The following ANK3 variants were observed in gnomAD, a reference collection of about 807,000 sequenced individuals.
ANK3 encodes the protein ankyrin 3.
ANK3 carries 57 observed loss-of-function variants against 370.9 expected under a neutral mutation model. The ratio of observed to expected loss-of-function variants is 0.15; its 90% CI spans 0.12 to 0.19. The LOEUF (loss-of-function observed/expected upper bound fraction) is 0.19. Among genes scored for constraint, ANK3 ranks in the 10% least tolerant of loss-of-function variants. ANK3 has a pLI of 1.00. For missense variants in ANK3, 4,439 were observed against 5,302.1 expected (o/e 0.84, Z 5.06); for synonymous variants, 1,929 against 1,946.3 (o/e 0.99, Z 0.23).
chr10:60,424,533 T>C (rs1174136318), intron 2 of ANK3, among the ~76,000 whole-genome samples: 1 of 152,038 alleles, frequency 6.6e-6, no homozygotes, highest in Non-Finnish European at 1.5e-5. Context: ...GCTCTTCCTA[T>C]ATTAATATGC....
At chr10:60,716,672 C>A (rs1052181221) in intron 1 of ANK3, among the ~76,000 whole-genome samples, 1 of 152,146 alleles carries the variant, frequency 6.6e-6, no homozygotes, top group African/African-American at 2.4e-5. Flanking sequence ...TGCCACCATG[C>A]CCGGCTAACT....
intron 2 of ANK3, among the ~76,000 whole-genome samples, chr10:60,417,015 GT>G (rs1214935508): frequency 6.6e-6 from 1 of 152,186 alleles, no homozygotes; most frequent in African/African-American, 2.4e-5. Context: ...GAAGAAGATG[GT>G]GGTAAAGAAA....
chr10:60,338,271 G>A (rs1337920719), intron 1 of ANK3, among the ~76,000 whole-genome samples: 1 of 152,152 alleles, frequency 6.6e-6, no homozygotes, highest in African/African-American at 2.4e-5. Context: ...GCAGTACTCA[G>A]GTTAATTCAA....
chr10:60,029,609 G>C lies in ANK3; in HGVS notation c.*237C>G, dbSNP rs773863034. 1 of 152,634 alleles carries C rather than the reference G, an allele frequency of 6.6e-6. No homozygotes were observed. The highest frequency in any genetic ancestry group is 1.9e-4 in the East Asian group (1 of 5,172). 9.5% of individuals were successfully genotyped at this position (152,634 alleles called of 1,614,324 possible). On this transcript the variant is annotated 3_prime_UTR_variant, in exon 44 of 44. Coordinates refer to ENST00000280772, the MANE Select transcript of ANK3 (RefSeq NM_020987.5). ...ATACACTGCATTGCTAATTGCACAC[G>C]CGCCAATCCGGAAATGAAAGTGATT...
intron 1 of ANK3, among the ~76,000 whole-genome samples, chr10:60,380,678 C>T (rs2061436480): frequency 6.6e-6 from 1 of 152,042 alleles, no homozygotes; most frequent in African/African-American, 2.4e-5. Context: ...TATACTTTTG[C>T]TGTTGGATGT....
intron 1 of ANK3, among the ~76,000 whole-genome samples, chr10:60,633,210 A>G (rs2078508165): frequency 6.6e-6 from 1 of 152,208 alleles, no homozygotes; most frequent in Non-Finnish European, 1.5e-5. Flanking sequence ...TCATCACAAT[A>G]CCTACTGAAA....
chr10:60,074,121 A>G lies in ANK3; in HGVS notation c.6760T>C (p.Tyr2254His). ...CCTTCACCGCCTGGTGGAGAATGAT[A>G]AACCATTCTGGTGGTTGTGGTTATG... ...THITTTTRMVYHSPPGGEGAS... is the reference protein window; with the variant it reads ...THITTTTRMVHHSPPGGEGAS... Residue 2254 changes from tyrosine (Y) to histidine (H), a missense_variant, in exon 37 of 44, where the codon TAT (tyrosine) becomes CAT (histidine). Tyr to His is a moderately conservative substitution (Grantham distance 83). This residue lies in a region of ANK3 where 1,601 missense variants were observed against 1,731.7 expected (regional missense o/e 0.92). Coordinates refer to ENST00000280772, the MANE Select transcript of ANK3 (RefSeq NM_020987.5). 6.2e-7 allele frequency: 1 copy of G among 1,613,968 alleles called. No individual in the cohort carries two copies. The highest frequency in any genetic ancestry group is 1.3e-5 in the African/African-American group (1 of 75,040).
In ANK3 at chr10:60,493,727, C is replaced by T. The variant is rs994070771; in HGVS notation, c.96+121459G>A. ...AGATGTAAGAACTACATAGCCAACC[C>T]CCCAAAATGGGTTGGCTATATAGAG... On this transcript the variant is annotated intron_variant, in intron 2 of 43. Transcript: ENST00000373827. Among the ~76,000 whole-genome samples the T allele has an allele frequency of 4.6e-5, 7 of 151,758 alleles. No homozygotes were observed. The South Asian group carries it at 1.5e-3, about 32-fold the overall frequency.
At chr10:60,631,214 A>G (rs1319937360) in intron 1 of ANK3, among the ~76,000 whole-genome samples, 1 of 152,038 alleles carries the variant, frequency 6.6e-6, no homozygotes, top group Non-Finnish European at 1.5e-5. Context: ...TCCCAGTCCA[A>G]AGTCATAGAT....
chr10:60,469,031 GTATATA>G (rs71015795), intron 2 of ANK3, among the ~76,000 whole-genome samples: 284 of 11,604 alleles, frequency 0.024, 35 homozygotes, highest in African/African-American at 0.088. Flanking sequence ...CACTTTTAGT[GTATATA>G]TATATATATA....
At chr10:60,234,082 T>C (rs1026040547) in intron 8 of ANK3, among the ~76,000 whole-genome samples, 2 of 152,210 alleles carry the variant, frequency 1.3e-5, no homozygotes, top group Non-Finnish European at 2.9e-5. Flanking sequence ...CAAGATTTCC[T>C]TCTAAGGGCC....
chr10:60,494,648 T>TA (rs1480765054), intron 2 of ANK3, among the ~76,000 whole-genome samples: 15 of 152,184 alleles, frequency 9.9e-5, no homozygotes, highest in African/African-American at 3.4e-4. Flanking sequence ...GCCTTATTTT[T>TA]AAAAAATTGA....
At chr10:60,056,156 T>C in intron 41 of ANK3, 120 bp from the exon 42 acceptor site, 1 of 1,206,438 alleles carries the variant, frequency 8.3e-7, no homozygotes, top group Non-Finnish European at 1.1e-6. Flanking sequence ...AATAGAAAAG[T>C]GTGAAAAGTG....
In ANK3 at chr10:60,183,725, G is replaced by A. The variant is rs188650979; in HGVS notation, c.2086-2298C>T. ...AATACAAAATTAGCCGGGAGTGGTG[G>A]TGCATGCCTGTAATCCCAGCTACTC... On this transcript the variant is annotated intron_variant, in intron 17 of 43. Coordinates refer to ENST00000280772, the MANE Select transcript of ANK3 (RefSeq NM_020987.5). Among the ~76,000 whole-genome samples the A allele has an allele frequency of 4.3e-4, 65 of 152,172 alleles. 1 individual carries two copies. The highest frequency in any genetic ancestry group is 2.6e-4 in the Admixed American group (4 of 15,276).
intron 2 of ANK3, among the ~76,000 whole-genome samples, chr10:60,535,369 T>C (rs1250803719): frequency 1.3e-5 from 2 of 152,130 alleles, no homozygotes; most frequent in Non-Finnish European, 2.9e-5. Context: ...GATTTGGTGA[T>C]GCCCAACAGA....
intron 1 of ANK3, among the ~76,000 whole-genome samples, chr10:60,384,515 G>A (rs893484937): frequency 4.6e-5 from 7 of 152,170 alleles, no homozygotes; most frequent in African/African-American, 1.7e-4. Flanking sequence ...TGGCACAGTA[G>A]TTAAGAGCAC....
At position 60,068,883 on chromosome 10, in the gene ANK3, A is replaced by C; in HGVS notation, c.11998T>G (p.Phe4000Val). The C allele has an allele frequency of 6.2e-7, 1 of 1,614,100 alleles. No homozygotes were observed. The highest frequency in any genetic ancestry group is 8.5e-7 in the Non-Finnish European group (1 of 1,180,010). ...AAGGTCTCACCACTAATTCCCTTAA[A>C]ATATTCAATGGAATGTTTACATACT... ...KEVCKHSIEY[F>V]KGISGETLKL... is the part of the protein sequence containing the mutation. Residue 4000 changes from phenylalanine (F) to valine (V), a missense_variant, in exon 37 of 44, where the codon TTT (phenylalanine) becomes GTT (valine). Physicochemically the swap from Phe to Val is conservative, Grantham distance 50. Transcript: ENST00000280772.
chr10:60,398,617 C>T (rs1329413069), intron 2 of ANK3, among the ~76,000 whole-genome samples: 1 of 152,154 alleles, frequency 6.6e-6, no homozygotes, highest in African/African-American at 2.4e-5. Context: ...ATTTTCTATA[C>T]CATGTCCACA....
intron 23 of ANK3, among the ~76,000 whole-genome samples, chr10:60,159,511 C>G (rs2095439714): frequency 6.6e-6 from 1 of 152,098 alleles, no homozygotes; most frequent in Non-Finnish European, 1.5e-5. Context: ...GACAGATCAT[C>G]TAGAAAGAAA....
Sources: allele counts gnomAD v4.1 joint callset (sites outside exome capture counted in the v4.1 genomes callset), GRCh38; gene constraint gnomAD v4.1.1; regional missense constraint gnomAD v4.1.1; transcripts MANE v1.5; gene names NCBI Gene and HGNC (gene_info 2026-07-23, HGNC 2026-07-21).